Variants in CFAP119 observed in about 807,000 individuals in gnomAD.
CFAP119 encodes cilia and flagella associated protein 119.
the CFAP119 span, chr16:30,757,731 A>C: frequency 6.6e-7 from 1 of 1,507,366 alleles, no homozygotes; most frequent in Non-Finnish European, 8.8e-7. Context: ...TAGTTGGGCA[A>C]ACAGTCCCCA....
the CFAP119 span, chr16:30,760,405 C>T: frequency 1.2e-6 from 2 of 1,614,158 alleles, no homozygotes; most frequent in East Asian, 2.2e-5. Context: ...TGATGGCGTC[C>T]CTCAGGCTCT....
the CFAP119 span, chr16:30,757,554 T>TTC: frequency 6.2e-7 from 1 of 1,614,230 alleles, no homozygotes; most frequent in Non-Finnish European, 8.5e-7. Flanking sequence ...TGCTGAGCCT[T>TTC]TCCTCGCTGG....
At chr16:30,759,326 G>T in the CFAP119 span, 1 of 1,612,928 alleles carries the variant, frequency 6.2e-7, no homozygotes, top group Non-Finnish European at 8.5e-7. Context: ...GCTCCTCATG[G>T]TCCACCACCC....
At chr16:30,759,437 G>A in the CFAP119 span, 1 of 1,614,242 alleles carries the variant, frequency 6.2e-7, no homozygotes, top group South Asian at 1.1e-5. Context: ...TCTTTGAAGA[G>A]GTCGATGCTG....
chr16:30,759,264 A>C, the CFAP119 span: 1 of 1,614,064 alleles, frequency 6.2e-7, no homozygotes, highest in Non-Finnish European at 8.5e-7. Context: ...AGCAAGGCAG[A>C]GGGAGGCTGA....
chr16:30,759,516 T>G, the CFAP119 span: 2 of 1,614,180 alleles, frequency 1.2e-6, no homozygotes, highest in Non-Finnish European at 1.7e-6. Flanking sequence ...TGGCTTTGCC[T>G]CCAAAAGCCC....
the CFAP119 span, chr16:30,760,799 T>A: frequency 1.3e-6 from 1 of 791,110 alleles, no homozygotes; most frequent in Non-Finnish European, 2.1e-6. Context: ...GCTGTGTGAC[T>A]ATGCAAATCG....
At chr16:30,759,070 C>T in the CFAP119 span, 2 of 1,614,230 alleles carry the variant, frequency 1.2e-6, no homozygotes, top group Middle Eastern at 1.6e-4. Flanking sequence ...GGGTAACTGC[C>T]TGCTCCTCCA....
the CFAP119 span, chr16:30,761,493 G>A: frequency 6.5e-7 from 1 of 1,532,376 alleles, no homozygotes. Context: ...GGCGCCTGCG[G>A]GGGAGCCGGT....
At chr16:30,759,499 G>C in the CFAP119 span, 1 of 1,614,174 alleles carries the variant, frequency 6.2e-7, no homozygotes, top group Non-Finnish European at 8.5e-7. Context: ...ACTACCTTCC[G>C]GAGCCCTGGC....
At chr16:30,758,747 G>T in the CFAP119 span, 1 of 501,908 alleles carries the variant, frequency 2.0e-6, no homozygotes, top group South Asian at 2.2e-5. Flanking sequence ...TAGATAGGGG[G>T]TTTCACGGTG....
At chr16:30,759,069 C>T in the CFAP119 span, 1 of 1,614,210 alleles carries the variant, frequency 6.2e-7, no homozygotes, top group Non-Finnish European at 8.5e-7. Flanking sequence ...GGGGTAACTG[C>T]CTGCTCCTCC....
chr16:30,760,161 T>A, the CFAP119 span: 57 of 1,589,638 alleles, frequency 3.6e-5, no homozygotes, highest in Non-Finnish European at 4.8e-5. Context: ...TTGTGTATGA[T>A]GATGCTACTA....
the CFAP119 span, chr16:30,760,588 GC>G: frequency 5.1e-6 from 8 of 1,560,710 alleles, no homozygotes; most frequent in African/African-American, 1.4e-5. Context: ...CTCTTCCCAC[GC>G]CCCCCTCAGT....
At chr16:30,760,613 T>C in the CFAP119 span, 1 of 1,558,124 alleles carries the variant, frequency 6.4e-7, no homozygotes, top group Non-Finnish European at 8.7e-7. Flanking sequence ...TACTCCCTCA[T>C]CTCAGCATTG....
chr16:30,759,927 A>G, the CFAP119 span: 5 of 1,439,866 alleles, frequency 3.5e-6, no homozygotes, highest in Non-Finnish European at 4.5e-6. Flanking sequence ...CAAGACAGAC[A>G]AGGTCCTGCC....
the CFAP119 span, chr16:30,758,875 T>G: frequency 7.0e-7 from 1 of 1,424,254 alleles, no homozygotes; most frequent in African/African-American, 1.4e-5. Context: ...TCTGTCATCT[T>G]GGACTTCTGC....
the CFAP119 span, chr16:30,762,002 G>T: frequency 3.7e-6 from 2 of 536,954 alleles, no homozygotes; most frequent in Non-Finnish European, 6.5e-6. Flanking sequence ...AAGAGAACGC[G>T]CAGATACGTG....
the CFAP119 span, chr16:30,757,919 T>A: frequency 1.8e-5 from 15 of 834,412 alleles, no homozygotes; most frequent in Admixed American, 8.0e-5. Context: ...TATCTGTGCC[T>A]CAGTTTCCTT....
Sources: gnomAD v4.1 joint callset for allele counts on GRCh38, gnomAD v4.1.1 for gene constraint, MANE v1.5 for transcripts, NCBI Gene and HGNC (gene_info 2026-07-23, HGNC 2026-07-21) for gene names.